The following METTL16 variants were observed in gnomAD, a reference collection of about 807,000 sequenced individuals.
METTL16 encodes the protein RNA N(6)-adenosine-methyltransferase METTL16.
In METTL16, 19 loss-of-function variants were observed where a neutral mutation model predicts 57.9. The ratio of observed to expected loss-of-function variants is 0.33; its 90% confidence interval spans 0.23 to 0.48. METTL16 has a LOEUF of 0.48. Ranked by LOEUF, METTL16 falls within the 20% of genes least tolerant of loss-of-function variation. The pLI is 0.99. For missense variants in METTL16, 434 were observed against 691.5 expected (o/e 0.63, Z 4.18); for synonymous variants, 246 against 255.6 (o/e 0.96, Z 0.36).
At chr17:2,464,092 C>T (rs1388134475) in intron 6 of METTL16, 116 bp downstream of exon 6, 10 of 1,129,160 alleles carry the variant, frequency 8.9e-6, no homozygotes, top group Non-Finnish European at 1.2e-5. Flanking sequence ...CACTGCACTC[C>T]AGCCTGGCAA....
intron 2 of METTL16, among the ~76,000 whole-genome samples, chr17:2,481,681 C>T (rs1436975445): frequency 6.6e-6 from 1 of 152,002 alleles, no homozygotes; most frequent in African/African-American, 2.4e-5. Flanking sequence ...ATAATGAAGA[C>T]CCCCTTGCAG....
intron 2 of METTL16, among the ~76,000 whole-genome samples, chr17:2,478,507 A>G (rs1352476938): frequency 1.3e-5 from 2 of 152,238 alleles, no homozygotes; most frequent in African/African-American, 4.8e-5. Flanking sequence ...TAATTCACAT[A>G]CTATAAAATT....
At chr17:2,473,314 C>CA (rs987594489) in intron 4 of METTL16, among the ~76,000 whole-genome samples, 1 of 151,936 alleles carries the variant, frequency 6.6e-6, no homozygotes, top group Non-Finnish European at 1.5e-5. Context: ...GGCAAATTCA[C>CA]AAAAAAAGAA....
chr17:2,496,916 C>A (rs1257749159), intron 2 of METTL16, among the ~76,000 whole-genome samples: 9 of 151,722 alleles, frequency 5.9e-5, no homozygotes, highest in Non-Finnish European at 1.3e-4. Flanking sequence ...GACTTCCCAG[C>A]CCCCAGACTA....
chr17:2,494,123 G>A (rs569642947), intron 2 of METTL16, among the ~76,000 whole-genome samples: 35 of 152,200 alleles, frequency 2.3e-4, no homozygotes, highest in South Asian at 4.2e-4. Context: ...TTGGCTCACC[G>A]TAACCTCTAT....
Position 2,478,307 on chromosome 17 carries a change from T to C in METTL16, c.129-422A>G, listed in dbSNP as rs1276836847. ...AATGTCTGGTGCATAATAACTATTT[T>C]ACAAATGCTAGCTGTTTTTACTCTT... On this transcript the variant is annotated intron_variant, in intron 2 of 9. Transcript: ENST00000263092. Among the ~76,000 whole-genome samples, 5 of 152,238 alleles carry C rather than the reference T, an allele frequency of 3.3e-5. No homozygotes were observed. In the South Asian group the frequency reaches 8.3e-4, roughly 25 times the overall value.
chr17:2,489,922 CTATAA>C (rs1372442708), intron 2 of METTL16, among the ~76,000 whole-genome samples: 1 of 151,870 alleles, frequency 6.6e-6, no homozygotes, highest in Non-Finnish European at 1.5e-5. Flanking sequence ...GCTAAATAAG[CTATAA>C]TATAACCATG....
chr17:2,500,347 G>A (rs1384862419), intron 2 of METTL16, among the ~76,000 whole-genome samples: 1 of 151,984 alleles, frequency 6.6e-6, no homozygotes, highest in East Asian at 1.9e-4. Context: ...CACAATCTCG[G>A]CTCACTGCAA....
At chr17:2,421,844 G>T (rs1466680624) in intron 8 of METTL16, among the ~76,000 whole-genome samples, 1 of 152,150 alleles carries the variant, frequency 6.6e-6, no homozygotes, top group East Asian at 1.9e-4. Flanking sequence ...GGACCAAGCC[G>T]GCGGCGAGCT....
chr17:2,464,401 A>C, intron 5 of METTL16, 51 bp from the exon 6 acceptor site: 1 of 1,506,978 alleles, frequency 6.6e-7, no homozygotes, highest in Non-Finnish European at 8.9e-7. Context: ...CCCAAGAACC[A>C]AGTTTGAATG....
At chr17:2,463,465 T>C (rs569953174) in intron 6 of METTL16, among the ~76,000 whole-genome samples, 1 of 152,284 alleles carries the variant, frequency 6.6e-6, no homozygotes, top group Admixed American at 6.5e-5. Flanking sequence ...ATTTTTATTT[T>C]CATTTTTATT....
chr17:2,483,023 T>TA (rs55710404), intron 2 of METTL16, among the ~76,000 whole-genome samples: 75 of 143,956 alleles, frequency 5.2e-4, no homozygotes, highest in South Asian at 1.5e-3. Flanking sequence ...CATATAGTGT[T>TA]AAAAAAAAAA....
chr17:2,471,352 G>A (rs2067233397), intron 4 of METTL16, among the ~76,000 whole-genome samples: 1 of 152,120 alleles, frequency 6.6e-6, no homozygotes, highest in Admixed American at 6.6e-5. Flanking sequence ...TGTATTTTTA[G>A]TAGAGATGGG....
At chr17:2,453,553 G>A (rs980924986) in intron 6 of METTL16, among the ~76,000 whole-genome samples, 3 of 152,180 alleles carry the variant, frequency 2.0e-5, no homozygotes, top group African/African-American at 4.8e-5. Context: ...CCTGGTCAGG[G>A]AGGTGGCCTG....
chr17:2,450,999 A>C (rs544534736), intron 6 of METTL16, among the ~76,000 whole-genome samples: 3 of 152,336 alleles, frequency 2.0e-5, no homozygotes, highest in Admixed American at 2.0e-4. Context: ...TTTATAGGTC[A>C]AAAACTATTG....
rs374931880 is a variant in METTL16 at position 2,457,640 on chromosome 17, G to A, written c.728+6568C>T. On this transcript the variant is annotated intron_variant, in intron 6 of 9. Transcript: ENST00000263092. Reference sequence around the variant, plus strand: ...GGAGAATTGCTTAAACCTAGGAGACGGCGGAGGTTGCGGTGAGCTAAAATC... The same window carrying A: ...GGAGAATTGCTTAAACCTAGGAGACAGCGGAGGTTGCGGTGAGCTAAAATC... 4.5e-4 allele frequency among the ~76,000 whole-genome samples: 68 copies of A among 151,500 alleles called. 1 individual carries two copies. In the South Asian group the frequency reaches 0.014, roughly 30 times the overall value.
At chr17:2,447,858 T>G (rs1597448385) in intron 6 of METTL16, among the ~76,000 whole-genome samples, 1 of 62,144 alleles carries the variant, frequency 1.6e-5, no homozygotes, top group Admixed American at 1.7e-4. Context: ...AGGTGGGGGG[T>G]CAGCCCTCCA....
At chr17:2,479,845 T>C (rs1350425513) in intron 2 of METTL16, among the ~76,000 whole-genome samples, 1 of 152,144 alleles carries the variant, frequency 6.6e-6, no homozygotes, top group East Asian at 1.9e-4. Context: ...CAATTTGCCA[T>C]GGACGTAAGT....
chr17:2,460,704 G>A (rs571094508), intron 6 of METTL16, among the ~76,000 whole-genome samples: 3 of 152,140 alleles, frequency 2.0e-5, no homozygotes, highest in East Asian at 1.9e-4. Context: ...TGACCAACAC[G>A]GAGAAACCCC....
Sources: allele counts gnomAD v4.1 joint callset (sites outside exome capture counted in the v4.1 genomes callset), GRCh38; gene constraint gnomAD v4.1.1; transcripts MANE v1.5; gene names NCBI Gene and HGNC (gene_info 2026-07-23, HGNC 2026-07-21).